The following HSD17B3 variants were observed in gnomAD, a reference collection of about 807,000 sequenced individuals.
The protein encoded by HSD17B3 is hydroxysteroid 17-beta dehydrogenase 3, also known as 17-beta-hydroxysteroid dehydrogenase type 3.
A neutral mutation model predicts 41.1 loss-of-function variants in HSD17B3; 29 were observed. The ratio of observed to expected loss-of-function variants is 0.71; its 90% CI spans 0.53 to 0.96. The LOEUF (loss-of-function observed/expected upper bound fraction) is 0.96, where lower values mean the gene tolerates loss of function less well. Among genes scored for constraint, HSD17B3 ranks in the 40% least tolerant of loss-of-function variants. The pLI, the probability that HSD17B3 is intolerant of heterozygous loss-of-function variation, is 0.00. For missense variants in HSD17B3, 323 were observed against 374.6 expected, an observed-to-expected ratio of 0.86 and a Z score of 1.14; for synonymous variants, 126 against 145.6, an observed-to-expected ratio of 0.87 and a Z score of 0.97.
Position 96,235,321 on chromosome 9 carries a change from T to C in HSD17B3, c.*139A>G, listed in dbSNP as rs1160296982. 1 of 705,746 alleles carries C rather than the reference T, an allele frequency of 1.4e-6. No homozygotes were observed. The highest frequency in any genetic ancestry group is 1.5e-5 in the South Asian group (1 of 65,858). 43.7% of individuals were successfully genotyped at this position (705,746 alleles called of 1,614,324 possible). A position where few individuals can be genotyped will look rare whatever the true frequency, so the allele number is the denominator to read the frequency against. The stretch of plus-strand genomic sequence containing the variant: ...CAGACTCAAGTAAAGTGGCAAAAAA[T>C]GTGTATTCTATGCCTCTGTGACCCC... On this transcript the variant is annotated 3_prime_UTR_variant, in exon 11 of 11. Coordinates refer to ENST00000375263, the MANE Select transcript of HSD17B3 (RefSeq NM_000197.2).
At position 96,281,928 on chromosome 9, in the gene HSD17B3, T is replaced by A. The variant is rs78167155; in HGVS notation, c.201+16488A>T. On this transcript the variant is annotated intron_variant, in intron 2 of 10. Coordinates refer to ENST00000375263, the MANE Select transcript of HSD17B3 (RefSeq NM_000197.2). ...AAACTGGTTAAATGGTAAAAATCAC[T>A]GCTTGTCTCCTCTGTAAAGTTTTGA... 3.6e-3 allele frequency among the ~76,000 whole-genome samples: 551 copies of A among 152,332 alleles called. 8 individuals carry two copies. Among genetic ancestry groups the A allele is most frequent in the African/African-American group, 0.012 (517 of 41,586 alleles).
chr9:96,293,904 G>A (rs1364703890), intron 2 of HSD17B3, among the ~76,000 whole-genome samples: 1 of 152,126 alleles, frequency 6.6e-6, no homozygotes, highest in African/African-American at 2.4e-5. Context: ...CATTGATGTG[G>A]AAATTCAGCC....
chr9:96,246,231 C>T (rs916501250), intron 7 of HSD17B3, among the ~76,000 whole-genome samples: 1 of 151,774 alleles, frequency 6.6e-6, no homozygotes, highest in African/African-American at 2.4e-5. Flanking sequence ...AAGAGATGGT[C>T]TTGATCTCGG....
At chr9:96,296,984 G>C (rs1197098255) in intron 2 of HSD17B3, among the ~76,000 whole-genome samples, 1 of 151,588 alleles carries the variant, frequency 6.6e-6, no homozygotes, top group Non-Finnish European at 1.5e-5. Flanking sequence ...GCAGTAAGCA[G>C]TGTTTGTACC....
At chr9:96,296,892 A>G (rs770161288) in intron 2 of HSD17B3, among the ~76,000 whole-genome samples, 2 of 152,110 alleles carry the variant, frequency 1.3e-5, no homozygotes, top group Non-Finnish European at 2.9e-5. Context: ...TACAAAAAAT[A>G]CATGAGCCTG....
rs189077964 is a variant in HSD17B3, at chr9:96,280,859, A to C, written c.201+17557T>G. ...AGGAGAGTGACCTCTGGTCATCCTC[A>C]TTGCTACACTCCCACCAGCGCCGTG... On this transcript the variant is annotated intron_variant, in intron 2 of 10. Transcript: ENST00000375263. Among the ~76,000 whole-genome samples the C allele has an allele frequency of 6.6e-5, 10 of 152,294 alleles. No homozygotes were observed. In the East Asian group the frequency reaches 1.7e-3, roughly 26 times the overall value.
chr9:96,235,647 A>G (rs908651794), intron 10 of HSD17B3, 77 bp from the exon 11 acceptor site: 10 of 1,190,452 alleles, frequency 8.4e-6, no homozygotes, highest in Non-Finnish European at 1.2e-5. Flanking sequence ...GTCTTTAAAA[A>G]TATTTTTTTC....
In HSD17B3 at chr9:96,250,070, C is replaced by T. The variant is rs441402; in HGVS notation, c.454-284G>A. ...CTATATTCCTGGAGGAATATAAATA[C>T]GGTTTTTCAAAGGGAGCTACTCCAT... On this transcript the variant is annotated intron_variant, in intron 5 of 10. Coordinates refer to ENST00000375263, the MANE Select transcript of HSD17B3 (RefSeq NM_000197.2). 0.26 allele frequency: 357,716 copies of T among 1,386,278 alleles called. 48,392 individuals are homozygous for T. The highest frequency in any genetic ancestry group is 0.31 in the Middle Eastern group (1,149 of 3,672). 85.9% of individuals were successfully genotyped at this position (1,386,278 alleles called of 1,614,324 possible). A position where few individuals can be genotyped will look rare whatever the true frequency, so the allele number is the denominator to read the frequency against.
At chr9:96,244,146 T>C in intron 9 of HSD17B3, 183 bp downstream of exon 9, 1 of 698,604 alleles carries the variant, frequency 1.4e-6, no homozygotes, top group South Asian at 1.6e-5. Context: ...CAGGTGGGAC[T>C]GAGGCGCCCC....
chr9:96,288,439 T>A (rs546478313), intron 2 of HSD17B3, among the ~76,000 whole-genome samples: 41 of 152,242 alleles, frequency 2.7e-4, no homozygotes, highest in African/African-American at 9.9e-4. Flanking sequence ...TTGTCACAAG[T>A]TCCCCCCAAC....
intron 2 of HSD17B3, among the ~76,000 whole-genome samples, chr9:96,260,463 G>A (rs1432924397): frequency 6.6e-6 from 1 of 152,024 alleles, no homozygotes; most frequent in Admixed American, 6.5e-5. Flanking sequence ...ATTATTCTTG[G>A]GTTTGGGCCA....
At chr9:96,292,431 A>G (rs1415612152) in intron 2 of HSD17B3, among the ~76,000 whole-genome samples, 1 of 152,318 alleles carries the variant, frequency 6.6e-6, no homozygotes, top group East Asian at 1.9e-4. Flanking sequence ...CAATGGCACA[A>G]TCTTTGCCTC....
At chr9:96,296,177 G>C (rs1252099616) in intron 2 of HSD17B3, among the ~76,000 whole-genome samples, 1 of 152,168 alleles carries the variant, frequency 6.6e-6, no homozygotes, top group African/African-American at 2.4e-5. Context: ...GAGCCCAGGA[G>C]GTTGAGGCTG....
At chr9:96,245,021 G>C (rs182459021) in intron 8 of HSD17B3, among the ~76,000 whole-genome samples, 1 of 152,032 alleles carries the variant, frequency 6.6e-6, no homozygotes, top group Non-Finnish European at 1.5e-5. Flanking sequence ...TAGGGCATGG[G>C]GACACCAGGC....
intron 5 of HSD17B3, chr9:96,250,491 G>A (rs964685802): frequency 1.7e-5 from 18 of 1,054,542 alleles, no homozygotes; most frequent in Non-Finnish European, 2.1e-5. Flanking sequence ...GATACCTGCA[G>A]AAGTGGGGAA....
chr9:96,250,274 C>A (rs1836843622), intron 5 of HSD17B3: 5 of 1,091,658 alleles, frequency 4.6e-6, no homozygotes, highest in Non-Finnish European at 4.5e-6. Context: ...CAAACACAGA[C>A]ACACACAGGC....
chr9:96,285,473 T>C (rs12686518), intron 2 of HSD17B3, among the ~76,000 whole-genome samples: 73,233 of 152,010 alleles, frequency 0.48, 18,551 homozygotes, highest in East Asian at 0.66. Flanking sequence ...TCTGGGAACA[T>C]TGGAATCAGC....
chr9:96,250,122 CT>C (rs1836835455), intron 5 of HSD17B3: 1 of 1,297,704 alleles, frequency 7.7e-7, no homozygotes, highest in Middle Eastern at 3.0e-4. Flanking sequence ...AGGGGTTAGC[CT>C]ATGTGAGTCC....
intron 7 of HSD17B3, 180 bp downstream of exon 7, chr9:96,246,376 A>G (rs1002973586): frequency 3.0e-6 from 2 of 669,940 alleles, no homozygotes; most frequent in African/African-American, 1.8e-5. Flanking sequence ...GTCTGTCTGC[A>G]GAGCTGGCCT....
Sources: allele counts gnomAD v4.1 joint callset (sites outside exome capture counted in the v4.1 genomes callset), GRCh38; gene constraint gnomAD v4.1.1; transcripts MANE v1.5; gene names NCBI Gene and HGNC (gene_info 2026-07-23, HGNC 2026-07-21).